ADGRL2: variants seen among roughly 807,000 people sequenced by gnomAD.
ADGRL2 encodes adhesion G protein-coupled receptor L2, also known as calcium-independent alpha-latrotoxin receptor 2.
In ADGRL2, 44 loss-of-function variants were observed where a neutral mutation model predicts 157.4. That is an observed-to-expected ratio of 0.28 (90% CI 0.22 to 0.36). The LOEUF (loss-of-function observed/expected upper bound fraction) is 0.36. ADGRL2 is among the 10% of genes least tolerant of loss of function. ADGRL2 has a pLI of 1.00. For synonymous variants in ADGRL2, 585 were observed against 624.7 expected (o/e 0.94, Z 0.95); for missense variants, 1,510 against 1,768.9 (o/e 0.85, Z 2.63).
intron 2 of ADGRL2, among the ~76,000 whole-genome samples, chr1:81,556,408 T>A (rs1444468871): frequency 5.1e-5 from 7 of 136,218 alleles, no homozygotes; most frequent in African/African-American, 2.0e-4. Flanking sequence ...AACCTCCACC[T>A]CCTGGGTTCA....
rs1370504287 is a variant in ADGRL2, at chr1:81,459,786, GTGTA to G, written c.-248+14699_-248+14702del. Among the ~76,000 whole-genome samples the G allele has an allele frequency of 2.7e-4, 15 of 55,870 alleles. 1 individual carries two copies. The highest frequency in any genetic ancestry group is 2.0e-3 in the South Asian group (3 of 1,524). The allele number at this position is 55,870 out of a possible 152,430, so 36.7% of individuals were successfully genotyped here. On this transcript the variant is annotated intron_variant, in intron 2 of 24. Transcript: ENST00000370721. ...TCCTGCTTAGTGTGTGTATGTGTGT[GTGTA>G]TATATATATATGTATGTGTTTGTAT...
intron 2 of ADGRL2, among the ~76,000 whole-genome samples, chr1:81,501,635 G>A (rs575965335): frequency 6.6e-6 from 1 of 152,226 alleles, no homozygotes; most frequent in Non-Finnish European, 1.5e-5. Flanking sequence ...CAGCTGCCGC[G>A]CCTGGGCCTG....
intron 1 of ADGRL2, among the ~76,000 whole-genome samples, chr1:81,748,467 CAAAAAAA>C (rs973818702): frequency 3.2e-3 from 136 of 42,398 alleles, no homozygotes; most frequent in East Asian, 0.011. Flanking sequence ...GATTCCGTCT[CAAAAAAA>C]AAAAAAAAAA....
At chr1:81,783,823 A>T (rs1232196818) in intron 2 of ADGRL2, among the ~76,000 whole-genome samples, 1 of 152,170 alleles carries the variant, frequency 6.6e-6, no homozygotes, top group Non-Finnish European at 1.5e-5. Context: ...AAAGTTGTCA[A>T]CTGTTTCAGG....
At chr1:81,591,682 A>G (rs2081136464) in intron 3 of ADGRL2, among the ~76,000 whole-genome samples, 1 of 152,136 alleles carries the variant, frequency 6.6e-6, no homozygotes, top group African/African-American at 2.4e-5. Context: ...CACTTCCATT[A>G]TTAAGCTACA....
In ADGRL2 at chr1:81,736,951, CA is replaced by C. The variant is rs1166574360; in HGVS notation, c.-142-24859del. Among the ~76,000 whole-genome samples the C allele has an allele frequency of 7.9e-5, 12 of 152,230 alleles. No homozygotes were observed. In the East Asian group the frequency reaches 2.3e-3, roughly 30 times the overall value. On this transcript the variant is annotated intron_variant, in intron 1 of 20. Coordinates refer to the ADGRL2 transcript ENST00000359929. ...CCGGGTTCACGCCATTCTCCTGCCA[CA>C]GCCTCTGGAGTAGCTGGGACTACGG...
intron 1 of ADGRL2, among the ~76,000 whole-genome samples, chr1:81,715,866 G>A (rs2084100937): frequency 6.6e-6 from 1 of 152,006 alleles, no homozygotes; most frequent in Admixed American, 6.6e-5. Context: ...TAATAGCTGA[G>A]GTTTTGAGGC....
intron 2 of ADGRL2, among the ~76,000 whole-genome samples, chr1:81,554,317 G>C (rs754443248): frequency 2.0e-5 from 3 of 152,048 alleles, no homozygotes; most frequent in African/African-American, 7.2e-5. Context: ...TTGTCTCCTG[G>C]TTTCACCCCA....
At chr1:81,433,592 T>G (rs1052455848) in intron 1 of ADGRL2, among the ~76,000 whole-genome samples, 3 of 152,216 alleles carry the variant, frequency 2.0e-5, no homozygotes, top group African/African-American at 7.2e-5. Context: ...GGACAGCCTG[T>G]CTGGGTTGAA....
chr1:81,408,895 T>C (rs1022650562), intron 1 of ADGRL2, among the ~76,000 whole-genome samples: 10 of 152,212 alleles, frequency 6.6e-5, no homozygotes, highest in Non-Finnish European at 1.5e-4. Flanking sequence ...CAACAGTTTG[T>C]ACCAATGTAT....
intron 2 of ADGRL2, chr1:81,502,587 A>T: frequency 3.7e-6 from 6 of 1,614,054 alleles, no homozygotes; most frequent in Non-Finnish European, 5.1e-6. Flanking sequence ...ATCAACAAGA[A>T]GATCTGGAGG....
chr1:81,969,055 CAT>C (rs1452210666), intron 14 of ADGRL2, 121 bp from the exon 15 acceptor site: 9 of 710,240 alleles, frequency 1.3e-5, no homozygotes, highest in Middle Eastern at 2.6e-4. Context: ...TTTTTGAACA[CAT>C]ATGAATAGTA....
chr1:81,316,528 C>G (rs1196516643), intron 1 of ADGRL2, among the ~76,000 whole-genome samples: 1 of 152,076 alleles, frequency 6.6e-6, no homozygotes, highest in African/African-American at 2.4e-5. Flanking sequence ...ATAGCTTATT[C>G]TTTCTTTAAA....
chr1:81,354,097 C>A (rs867083758), intron 1 of ADGRL2, among the ~76,000 whole-genome samples: 1 of 152,168 alleles, frequency 6.6e-6, no homozygotes, highest in Non-Finnish European at 1.5e-5. Flanking sequence ...ACAGCATAGA[C>A]TTTGGAGTCC....
intron 2 of ADGRL2, among the ~76,000 whole-genome samples, chr1:81,771,473 A>G (rs1376306129): frequency 6.6e-6 from 1 of 152,162 alleles, no homozygotes; most frequent in Admixed American, 6.5e-5. Flanking sequence ...CATTAACCTT[A>G]TCTACAAATA....
chr1:81,637,631 G>T (rs1314598496), intron 3 of ADGRL2, among the ~76,000 whole-genome samples: 12 of 152,090 alleles, frequency 7.9e-5, no homozygotes, highest in Non-Finnish European at 2.9e-5. Flanking sequence ...TGAACTTATT[G>T]TTTGTAAAAT....
intron 3 of ADGRL2, among the ~76,000 whole-genome samples, chr1:81,634,512 GTTT>G (rs58027766): frequency 5.0e-5 from 7 of 140,136 alleles, no homozygotes; most frequent in Admixed American, 7.1e-5. Context: ...TAGCTATCTT[GTTT>G]TTTTTTTTTT....
At chr1:81,688,796 C>G (rs985370575) in intron 3 of ADGRL2, among the ~76,000 whole-genome samples, 1 of 152,034 alleles carries the variant, frequency 6.6e-6, no homozygotes, top group Non-Finnish European at 1.5e-5. Context: ...TTATTTGGGG[C>G]GGCTCTATCA....
intron 1 of ADGRL2, among the ~76,000 whole-genome samples, chr1:81,337,058 AAAG>A (rs892368022): frequency 1.4e-4 from 22 of 152,174 alleles, no homozygotes; most frequent in African/African-American, 4.3e-4. Context: ...GTGGGACCTC[AAAG>A]AAGAGTTCAG....
Sources: gnomAD v4.1 joint callset for allele counts (sites outside exome capture counted in the v4.1 genomes callset) on GRCh38, gnomAD v4.1.1 for gene constraint, MANE v1.5 for transcripts, NCBI Gene and HGNC (gene_info 2026-07-23, HGNC 2026-07-21) for gene names.